SLC30A8: variants seen among roughly 807,000 people sequenced by gnomAD.
SLC30A8 encodes proton-coupled zinc antiporter SLC30A8.
Under a neutral mutation model 36.9 loss-of-function variants are expected in SLC30A8, and 27 were observed. That is an observed-to-expected ratio of 0.73 (90% CI 0.54 to 1.01). The LOEUF is 1.01. Among genes scored for constraint, SLC30A8 ranks in the 50% least tolerant of loss-of-function variants. The pLI is 0.00. For missense variants in SLC30A8, 439 were observed against 452.0 expected (o/e 0.97, Z 0.26); for synonymous variants, 164 against 172.4 (o/e 0.95, Z 0.38).
At chr8:117,004,077 G>A (rs1444179533) in intron 1 of SLC30A8, among the ~76,000 whole-genome samples, 3 of 152,164 alleles carry the variant, frequency 2.0e-5, no homozygotes, top group African/African-American at 7.2e-5. Context: ...CAGAATCTGA[G>A]CACTAACAAA....
intron 2 of SLC30A8, among the ~76,000 whole-genome samples, chr8:117,148,778 A>G (rs1323634593): frequency 6.6e-6 from 1 of 152,112 alleles, no homozygotes; most frequent in Non-Finnish European, 1.5e-5. Flanking sequence ...TGTGATTATT[A>G]TATGTGTTTG....
At chr8:117,118,568 A>G (rs1820551423) in intron 2 of SLC30A8, among the ~76,000 whole-genome samples, 1 of 151,886 alleles carries the variant, frequency 6.6e-6, no homozygotes, top group South Asian at 2.1e-4. Flanking sequence ...AGCATTCTTA[A>G]TGCATTGCCA....
chr8:117,144,686 A>G (rs769355848), intron 1 of SLC30A8, among the ~76,000 whole-genome samples: 7 of 152,176 alleles, frequency 4.6e-5, no homozygotes, highest in Non-Finnish European at 8.8e-5. Flanking sequence ...AATATTAACA[A>G]TATTGATAGC....
At chr8:117,027,164 G>A (rs1324690911) in intron 1 of SLC30A8, among the ~76,000 whole-genome samples, 1 of 152,172 alleles carries the variant, frequency 6.6e-6, no homozygotes, top group African/African-American at 2.4e-5. Flanking sequence ...CATCCAAACT[G>A]AAAGGGCATG....
At chr8:117,143,665 A>AACACACACACAC (rs58613241) in intron 1 of SLC30A8, among the ~76,000 whole-genome samples, 8,082 of 146,180 alleles carry the variant, frequency 0.055, 312 homozygotes, top group Middle Eastern at 0.13. Flanking sequence ...TCTCCCATAA[A>AACACACACACAC]ACACACACAC....
At chr8:117,030,608 A>G (rs1243154488) in intron 1 of SLC30A8, among the ~76,000 whole-genome samples, 1 of 152,194 alleles carries the variant, frequency 6.6e-6, no homozygotes, top group African/African-American at 2.4e-5. Context: ...TTGAAGAAAA[A>G]TATTGAAGCC....
intron 1 of SLC30A8, among the ~76,000 whole-genome samples, chr8:116,973,139 T>G (rs1405579299): frequency 6.6e-6 from 1 of 152,180 alleles, no homozygotes; most frequent in Admixed American, 6.5e-5. Flanking sequence ...AGCCAGGAAA[T>G]AAGCCCTCAC....
At chr8:117,034,461 GA>G (rs1223779465) in intron 1 of SLC30A8, among the ~76,000 whole-genome samples, 2 of 152,104 alleles carry the variant, frequency 1.3e-5, no homozygotes, top group Non-Finnish European at 2.9e-5. Context: ...CGTTTCCAAA[GA>G]CAGTTAATTG....
chr8:117,105,246 C>T (rs1819935969), intron 2 of SLC30A8, among the ~76,000 whole-genome samples: 1 of 152,112 alleles, frequency 6.6e-6, no homozygotes, highest in Non-Finnish European at 1.5e-5. Flanking sequence ...TCTGACATTT[C>T]TATTAGAATC....
At chr8:117,068,751 A>G (rs557929567) in intron 2 of SLC30A8, among the ~76,000 whole-genome samples, 1 of 151,972 alleles carries the variant, frequency 6.6e-6, no homozygotes, top group South Asian at 2.1e-4. Context: ...TAATTTCTGT[A>G]TTTTTAGTAG....
chr8:116,964,483 G>A (rs973288836), intron 1 of SLC30A8, among the ~76,000 whole-genome samples: 3 of 152,166 alleles, frequency 2.0e-5, no homozygotes, highest in African/African-American at 7.2e-5. Context: ...ATTAAGGGGG[G>A]CAGCCAGCTC....
At chr8:117,026,488 A>C (rs563733500) in intron 1 of SLC30A8, among the ~76,000 whole-genome samples, 12 of 152,308 alleles carry the variant, frequency 7.9e-5, no homozygotes, top group African/African-American at 2.9e-4. Context: ...AACTAATCTC[A>C]CGCTCCCAGG....
At chr8:117,106,193 A>G (rs1177699193) in intron 2 of SLC30A8, among the ~76,000 whole-genome samples, 1 of 152,226 alleles carries the variant, frequency 6.6e-6, no homozygotes, top group Non-Finnish European at 1.5e-5. Flanking sequence ...ACTTAATAGT[A>G]GCCACTAGCC....
At chr8:117,080,409 T>C (rs1475075256) in intron 2 of SLC30A8, among the ~76,000 whole-genome samples, 1 of 152,128 alleles carries the variant, frequency 6.6e-6, no homozygotes, top group Non-Finnish European at 1.5e-5. Context: ...AAAGGTATAC[T>C]GTGTGATGCT....
At chr8:117,151,147 T>C (rs986881987) in intron 2 of SLC30A8, among the ~76,000 whole-genome samples, 1 of 152,160 alleles carries the variant, frequency 6.6e-6, no homozygotes, top group Non-Finnish European at 1.5e-5. Flanking sequence ...CTTTTATCTC[T>C]TCCTGAAAAC....
chr8:117,128,651 AT>A (rs1485148459), intron 2 of SLC30A8: 19 of 152,230 alleles, frequency 1.2e-4, no homozygotes, highest in African/African-American at 4.3e-4. Flanking sequence ...AATTAAAAAA[AT>A]GTTAAAAGTT....
chr8:117,132,550 C>T (rs745487859), upstream of SLC30A8, among the ~76,000 whole-genome samples: 7 of 151,954 alleles, frequency 4.6e-5, no homozygotes, highest in Non-Finnish European at 8.8e-5. Context: ...AAATGAGCAG[C>T]GTAATGCCCA....
chr8:117,030,673 G>A (rs1212246152), intron 1 of SLC30A8, among the ~76,000 whole-genome samples: 3 of 152,122 alleles, frequency 2.0e-5, no homozygotes, highest in African/African-American at 7.2e-5. Context: ...TGTAGATTTA[G>A]TCAAGGTAAG....
chr8:117,058,489 C>T (rs891161492), intron 2 of SLC30A8, among the ~76,000 whole-genome samples: 1 of 152,064 alleles, frequency 6.6e-6, no homozygotes, highest in African/African-American at 2.4e-5. Flanking sequence ...TTCATGAGGG[C>T]TCCACCCTCA....
Sources: gnomAD v4.1 joint callset for allele counts (sites outside exome capture counted in the v4.1 genomes callset) on GRCh38, gnomAD v4.1.1 for gene constraint, MANE v1.5 for transcripts, NCBI Gene and HGNC (gene_info 2026-07-23, HGNC 2026-07-21) for gene names.